The following FNDC3B variants were observed in gnomAD, a reference collection of about 807,000 sequenced individuals.
FNDC3B encodes the protein fibronectin type III domain-containing protein 3B.
In FNDC3B, 12 loss-of-function variants were observed where a neutral mutation model predicts 151.5. The observed-to-expected ratio is 0.08, with a 90% CI of 0.05 to 0.13. FNDC3B has a LOEUF of 0.13. Among genes scored for constraint, FNDC3B ranks in the 10% least tolerant of loss-of-function variants. The pLI is 1.00. For missense variants in FNDC3B, 1,214 were observed against 1,505.3 expected (o/e 0.81, Z 3.20); for synonymous variants, 528 against 549.0 (o/e 0.96, Z 0.54).
intron 1 of FNDC3B, among the ~76,000 whole-genome samples, chr3:172,052,909 A>G (rs1406201713): frequency 6.6e-6 from 1 of 152,238 alleles, no homozygotes; most frequent in Non-Finnish European, 1.5e-5. Context: ...TCCTTGGAGT[A>G]AAATGATAGC....
intron 3 of FNDC3B, among the ~76,000 whole-genome samples, chr3:172,224,340 G>A (rs1454818591): frequency 6.6e-6 from 1 of 152,188 alleles, no homozygotes; most frequent in Non-Finnish European, 1.5e-5. Flanking sequence ...TGCAATGATC[G>A]ATTTTTATGC....
At chr3:172,123,239 A>AT (rs759119422) in intron 2 of FNDC3B, among the ~76,000 whole-genome samples, 1 of 152,050 alleles carries the variant, frequency 6.6e-6, no homozygotes, top group African/African-American at 2.4e-5. Flanking sequence ...TAGTCCCCTT[A>AT]TGTTGCCCAA....
chr3:172,388,430 A>G (rs1446449017), intron 25 of FNDC3B, among the ~76,000 whole-genome samples: 2 of 152,226 alleles, frequency 1.3e-5, no homozygotes, highest in Non-Finnish European at 2.9e-5. Flanking sequence ...TAATGTTTCT[A>G]TACTTATTAC....
At chr3:172,087,895 C>G (rs1035248799) in intron 1 of FNDC3B, among the ~76,000 whole-genome samples, 2 of 152,180 alleles carry the variant, frequency 1.3e-5, no homozygotes, top group Non-Finnish European at 2.9e-5. Flanking sequence ...AATTGGAGAT[C>G]TCTAAATAGT....
intron 9 of FNDC3B, among the ~76,000 whole-genome samples, chr3:172,300,084 A>G (rs1262608177): frequency 8.5e-5 from 13 of 152,210 alleles, no homozygotes; most frequent in Admixed American, 7.2e-4. Flanking sequence ...GTTTAAATCA[A>G]AACTTTGGAT....
At chr3:172,093,718 C>T (rs1262724712) in intron 1 of FNDC3B, among the ~76,000 whole-genome samples, 1 of 152,124 alleles carries the variant, frequency 6.6e-6, no homozygotes, top group Non-Finnish European at 1.5e-5. Flanking sequence ...CTGGTATAGC[C>T]TTTAAGGTTC....
intron 7 of FNDC3B, among the ~76,000 whole-genome samples, chr3:172,286,841 CAGTT>C (rs1465719523): frequency 2.6e-5 from 4 of 152,058 alleles, no homozygotes; most frequent in Admixed American, 6.5e-5. Context: ...AATGATCAAA[CAGTT>C]GGTGGATGAG....
intron 3 of FNDC3B, among the ~76,000 whole-genome samples, chr3:172,139,760 T>G (rs575088150): frequency 1.2e-4 from 19 of 152,192 alleles, no homozygotes; most frequent in Middle Eastern, 3.4e-3. Flanking sequence ...TTCTTTTTTT[T>G]TTTGTTTTTT....
At chr3:172,119,860 C>G (rs1000924403) in intron 2 of FNDC3B, among the ~76,000 whole-genome samples, 8 of 152,166 alleles carry the variant, frequency 5.3e-5, no homozygotes, top group African/African-American at 1.9e-4. Context: ...CACAAGCACC[C>G]CCCACAACCA....
intron 6 of FNDC3B, among the ~76,000 whole-genome samples, chr3:172,284,778 T>C (rs1729920435): frequency 1.3e-5 from 2 of 150,050 alleles, no homozygotes; most frequent in South Asian, 2.2e-4. Context: ...CAAGGCACTG[T>C]AATTGCCTAT....
intron 1 of FNDC3B, among the ~76,000 whole-genome samples, chr3:172,098,162 A>G (rs1242061591): frequency 6.6e-6 from 1 of 152,200 alleles, no homozygotes; most frequent in Non-Finnish European, 1.5e-5. Flanking sequence ...TGGGGTATTG[A>G]GAATTTAATC....
intron 1 of FNDC3B, among the ~76,000 whole-genome samples, chr3:172,106,559 A>G (rs1719653861): frequency 6.6e-6 from 1 of 152,200 alleles, no homozygotes; most frequent in Non-Finnish European, 1.5e-5. Flanking sequence ...ATCTTGAATT[A>G]ATGTAAGGAA....
intron 1 of FNDC3B, among the ~76,000 whole-genome samples, chr3:172,077,279 CTTCTGTTGTTTGAAAA>C (rs1460651608): frequency 2.0e-5 from 3 of 151,752 alleles, no homozygotes; most frequent in Non-Finnish European, 2.9e-5. Context: ...ATTTTTTTTC[CTTCTGTTGTTTGAAAA>C]TTTACAAATT....
At chr3:172,267,842 A>G (rs1239204521) in intron 6 of FNDC3B, among the ~76,000 whole-genome samples, 1 of 152,214 alleles carries the variant, frequency 6.6e-6, no homozygotes, top group Non-Finnish European at 1.5e-5. Flanking sequence ...GCTGGTACTC[A>G]TTGGATATTA....
At chr3:172,395,263 T>C (rs1383451169) in intron 25 of FNDC3B, among the ~76,000 whole-genome samples, 1 of 152,252 alleles carries the variant, frequency 6.6e-6, no homozygotes, top group Non-Finnish European at 1.5e-5. Flanking sequence ...GTCCATTGAC[T>C]CTAAGCCATA....
intron 11 of FNDC3B, among the ~76,000 whole-genome samples, chr3:172,327,522 C>T (rs1732419700): frequency 2.0e-5 from 3 of 152,238 alleles, no homozygotes; most frequent in Admixed American, 2.0e-4. Context: ...CTCCTCAGCC[C>T]CCTGAGTAGC....
intron 1 of FNDC3B, among the ~76,000 whole-genome samples, chr3:172,095,695 G>A (rs908222563): frequency 1.3e-5 from 2 of 152,082 alleles, no homozygotes; most frequent in Admixed American, 1.3e-4. Context: ...AAGTCTTGGA[G>A]CATTGATACA....
At chr3:172,175,371 G>A (rs1576764498) in intron 3 of FNDC3B, among the ~76,000 whole-genome samples, 1 of 152,088 alleles carries the variant, frequency 6.6e-6, no homozygotes, top group Non-Finnish European at 1.5e-5. Flanking sequence ...AGTCCTATAC[G>A]TGGTAGGTAG....
rs1725078350 is a variant in FNDC3B, at chr3:172,200,263, TGAG to T, written c.188-26604_188-26602del. Among the ~76,000 whole-genome samples the T allele has an allele frequency of 2.0e-5, 3 of 152,112 alleles. No homozygotes were observed. In the South Asian group the frequency reaches 6.2e-4, roughly 32 times the overall value. On this transcript the variant is annotated intron_variant, in intron 3 of 25. Transcript: ENST00000415807. ...TACCTAGAGAAAACCCACACAGACA[TGAG>T]GAGAAGAGAACGGGGAAACTCCACA...
Sources: allele counts gnomAD v4.1 joint callset (sites outside exome capture counted in the v4.1 genomes callset), GRCh38; gene constraint gnomAD v4.1.1; transcripts MANE v1.5; gene names NCBI Gene and HGNC (gene_info 2026-07-23, HGNC 2026-07-21).